FAR2: variants seen among roughly 807,000 people sequenced by gnomAD.
FAR2 encodes the protein fatty acyl-CoA reductase 2.
A neutral mutation model predicts 56.0 loss-of-function variants in FAR2; 19 were observed. The ratio of observed to expected loss-of-function variants is 0.34; its 90% CI spans 0.24 to 0.50. The LOEUF (loss-of-function observed/expected upper bound fraction) is 0.50, where lower values mean the gene tolerates loss of function less well. Among genes scored for constraint, FAR2 ranks in the 20% least tolerant of loss-of-function variants. The pLI is 0.98. For synonymous variants in FAR2, 219 were observed against 218.8 expected (o/e 1.00, Z -0.01); for missense variants, 508 against 642.2 (o/e 0.79, Z 2.26).
At chr12:29,210,134 G>A (rs907557781) in intron 1 of FAR2, among the ~76,000 whole-genome samples, 2 of 152,122 alleles carry the variant, frequency 1.3e-5, no homozygotes, top group Non-Finnish European at 2.9e-5. Context: ...ATTGAGCCCC[G>A]GAGGTCAATG....
At chr12:29,328,429 C>T (rs1174909616) in intron 10 of FAR2, among the ~76,000 whole-genome samples, 1 of 152,136 alleles carries the variant, frequency 6.6e-6, no homozygotes, top group African/African-American at 2.4e-5. Flanking sequence ...GATTATAAAT[C>T]ATGCTGCTAT....
intron 1 of FAR2, among the ~76,000 whole-genome samples, chr12:29,203,466 T>C (rs1947439296): frequency 6.6e-6 from 1 of 152,188 alleles, no homozygotes; most frequent in Non-Finnish European, 1.5e-5. Flanking sequence ...GTGTGAAATG[T>C]AATTAGTGGG....
chr12:29,245,862 C>T (rs1283466316), intron 1 of FAR2, among the ~76,000 whole-genome samples: 4 of 152,130 alleles, frequency 2.6e-5, no homozygotes, highest in Non-Finnish European at 5.9e-5. Flanking sequence ...TTCCCAACAT[C>T]ACTACCCCAA....
At chr12:29,256,601 A>T (rs1385254955) in intron 1 of FAR2, among the ~76,000 whole-genome samples, 1 of 152,194 alleles carries the variant, frequency 6.6e-6, no homozygotes, top group Non-Finnish European at 1.5e-5. Flanking sequence ...TGGGCTGGCC[A>T]AGGCCAGAGC....
In FAR2 at chr12:29,293,319, A is replaced by G; in HGVS notation, c.209A>G (p.Glu70Gly). The G allele has an allele frequency of 6.3e-7, 1 of 1,582,338 alleles. No homozygotes were observed. Among genetic ancestry groups the G allele is most frequent in the South Asian group, 1.2e-5 (1 of 85,510 alleles). Reference protein sequence around the residue: ...LDSKLFEKVKEVCPNVHEKIR... With the variant: ...LDSKLFEKVKGVCPNVHEKIR... ...TTTCAGCTATTTGAGAAAGTCAAAG[A>G]AGTTTGTCCAAATGTGCATGAGAAG... Residue 70 changes from glutamate to glycine, a missense_variant, in exon 3 of 12, where the codon GAA becomes GGA. By Grantham distance (98) the Glu-to-Gly change is moderately conservative. Transcript: ENST00000536681.
chr12:29,216,248 C>T (rs573524169), intron 1 of FAR2, among the ~76,000 whole-genome samples: 3 of 152,308 alleles, frequency 2.0e-5, no homozygotes, highest in South Asian at 4.1e-4. Flanking sequence ...TTTAGAAAGC[C>T]CTGTCCTTCA....
intron 3 of FAR2, among the ~76,000 whole-genome samples, chr12:29,294,673 G>T (rs1485005901): frequency 2.2e-4 from 33 of 152,034 alleles, no homozygotes. Flanking sequence ...TCTTTTATAA[G>T]GCTGAAACTA....
intron 8 of FAR2, among the ~76,000 whole-genome samples, chr12:29,313,938 G>A (rs1163385474): frequency 2.1e-5 from 3 of 143,066 alleles, no homozygotes; most frequent in Non-Finnish European, 4.4e-5. Flanking sequence ...CTTTAACTTA[G>A]AAATATAGCT....
chr12:29,306,433 T>C (rs1448916676), intron 4 of FAR2, among the ~76,000 whole-genome samples: 1 of 152,216 alleles, frequency 6.6e-6, no homozygotes, highest in Non-Finnish European at 1.5e-5. Context: ...CTTAACATCA[T>C]GCACATCTTA....
chr12:29,230,091 T>C (rs1332201987), intron 1 of FAR2, among the ~76,000 whole-genome samples: 1 of 151,908 alleles, frequency 6.6e-6, no homozygotes, highest in Non-Finnish European at 1.5e-5. Flanking sequence ...AATAAACAGA[T>C]GTCATAAACA....
intron 1 of FAR2, among the ~76,000 whole-genome samples, chr12:29,266,092 A>G (rs941462410): frequency 1.3e-5 from 2 of 152,186 alleles, no homozygotes; most frequent in Non-Finnish European, 2.9e-5. Context: ...CAATCACTAC[A>G]GATAACAGTT....
chr12:29,208,871 G>A (rs551128640), intron 1 of FAR2, among the ~76,000 whole-genome samples: 8 of 152,260 alleles, frequency 5.3e-5, no homozygotes, highest in African/African-American at 1.9e-4. Context: ...CGGGGAAAAT[G>A]AGCAAAATCA....
At chr12:29,178,460 A>G (rs1949960627) in intron 1 of FAR2, among the ~76,000 whole-genome samples, 1 of 152,114 alleles carries the variant, frequency 6.6e-6, no homozygotes, top group South Asian at 2.1e-4. Context: ...TTCAGGCATG[A>G]TGGTGCCTGT....
At chr12:29,201,585 A>G (rs4931164) in intron 1 of FAR2, among the ~76,000 whole-genome samples, 41,455 of 152,044 alleles carry the variant, frequency 0.27, 7,058 homozygotes, top group Admixed American at 0.42. Flanking sequence ...TTTACTTCCT[A>G]TTGTGTATTA....
chr12:29,199,763 TTGAC>T (rs1398066804), intron 1 of FAR2, among the ~76,000 whole-genome samples: 1 of 151,890 alleles, frequency 6.6e-6, no homozygotes, highest in Non-Finnish European at 1.5e-5. Context: ...GTGAAAGAGG[TTGAC>T]TGAGGCAGGT....
At position 29,250,133 on chromosome 12, in the gene FAR2, G is replaced by T. The variant is rs370085510; in HGVS notation, c.-38-20279G>T. Among the ~76,000 whole-genome samples, 3 of 142,682 alleles carry T rather than the reference G, an allele frequency of 2.1e-5. No individual in the cohort carries two copies. The East Asian group carries it at 6.1e-4, about 29-fold the overall frequency. 93.6% of individuals were successfully genotyped at this position (142,682 alleles called of 152,430 possible). A position where few individuals can be genotyped will look rare whatever the true frequency, so the allele number is the denominator to read the frequency against. ...TGCATTGTTCTGTGCTGGTTAGTGT[G>T]TGACGGCTAATATGAAACAAAAATA... On this transcript the variant is annotated intron_variant, in intron 1 of 11. Coordinates refer to ENST00000536681, the MANE Select transcript of FAR2 (RefSeq NM_001271783.2).
intron 1 of FAR2, among the ~76,000 whole-genome samples, chr12:29,264,912 G>T (rs1424348056): frequency 1.3e-5 from 2 of 151,822 alleles, no homozygotes; most frequent in Admixed American, 6.6e-5. Context: ...AGTCCAGAAG[G>T]TAATCCCATT....
intron 1 of FAR2, among the ~76,000 whole-genome samples, chr12:29,155,439 A>C (rs1258699038): frequency 6.6e-6 from 1 of 152,242 alleles, no homozygotes; most frequent in African/African-American, 2.4e-5. Flanking sequence ...GCATAATGGA[A>C]GAAACAGGTT....
Position 29,317,021 on chromosome 12 carries a change from C to CT in FAR2, c.1127+10dup, listed in dbSNP as rs763900224. ...ACTGGAAGGAAGCCCAGGTGAGAAG[C>CT]TGAGTCAATGGCTTTGAGAGTGTCA... is the stretch of plus-strand genomic sequence containing the variant. On this transcript the variant is annotated intron_variant, in intron 9 of 11. Coordinates refer to ENST00000536681, the MANE Select transcript of FAR2 (RefSeq NM_001271783.2). 7 of 1,610,040 alleles carry CT rather than the reference C, an allele frequency of 4.3e-6. No individual in the cohort carries two copies. In the African/African-American group the frequency reaches 9.4e-5, roughly 22 times the overall value.
Sources: allele counts gnomAD v4.1 joint callset (sites outside exome capture counted in the v4.1 genomes callset), GRCh38; gene constraint gnomAD v4.1.1; transcripts MANE v1.5; gene names NCBI Gene and HGNC (gene_info 2026-07-23, HGNC 2026-07-21).